The following CACNA1C variants were observed in gnomAD, a reference collection of about 807,000 sequenced individuals.
The protein encoded by CACNA1C is voltage-dependent L-type calcium channel subunit alpha-1C.
A neutral mutation model predicts 229.0 loss-of-function variants in CACNA1C; 30 were observed. The ratio of observed to expected loss-of-function variants is 0.13; its 90% CI spans 0.10 to 0.18. The LOEUF (loss-of-function observed/expected upper bound fraction) is 0.18, where lower values mean the gene tolerates loss of function less well. Among genes scored for constraint, CACNA1C ranks in the 10% least tolerant of loss-of-function variants. The pLI is 1.00. For synonymous variants in CACNA1C, 1,114 were observed against 1,132.5 expected (o/e 0.98, Z 0.33); for missense variants, 1,658 against 2,845.0 (o/e 0.58, Z 9.49).
chr12:2,550,751 C>G, intron 10 of CACNA1C: 1 of 1,075,750 alleles, frequency 9.3e-7, no homozygotes, highest in African/African-American at 1.6e-5. Context: ...GATGGAGAGC[C>G]TGGGCAAGCG....
intron 1 of CACNA1C, among the ~76,000 whole-genome samples, chr12:2,073,291 A>G (rs1021284765): frequency 3.3e-5 from 5 of 152,222 alleles, no homozygotes; most frequent in African/African-American, 1.2e-4. Context: ...GGCTATCTCT[A>G]TGTCACTGAA....
intron 2 of CACNA1C, among the ~76,000 whole-genome samples, chr12:2,118,123 C>T (rs1436932839): frequency 2.6e-5 from 4 of 152,196 alleles, no homozygotes; most frequent in African/African-American, 9.7e-5. Flanking sequence ...TAGCCCAGTG[C>T]CTTTAGCATG....
intron 1 of CACNA1C, among the ~76,000 whole-genome samples, chr12:2,056,749 G>A (rs2154513115): frequency 6.6e-6 from 1 of 152,182 alleles, no homozygotes; most frequent in Non-Finnish European, 1.5e-5. Context: ...TGGAGGAAAG[G>A]GGCTATTGGA....
intron 3 of CACNA1C, among the ~76,000 whole-genome samples, chr12:2,227,015 G>T (rs1242632756): frequency 6.6e-6 from 1 of 152,196 alleles, no homozygotes; most frequent in African/African-American, 2.4e-5. Flanking sequence ...TACTGCTGAT[G>T]CCATGGCCTG....
chr12:2,344,344 G>T, intron 3 of CACNA1C, among the ~76,000 whole-genome samples: 1 of 151,898 alleles, frequency 6.6e-6, no homozygotes, highest in Admixed American at 6.6e-5. Context: ...GTGTGTGAGC[G>T]TTTCACACTC....
intron 10 of CACNA1C, among the ~76,000 whole-genome samples, chr12:2,552,936 CG>C (rs2042111560): frequency 6.6e-6 from 1 of 152,068 alleles, no homozygotes; most frequent in Admixed American, 6.5e-5. Context: ...GAAGAAGTCA[CG>C]GAGCAGGAAG....
intron 3 of CACNA1C, among the ~76,000 whole-genome samples, chr12:2,415,811 C>G (rs538367791): frequency 5.9e-5 from 9 of 152,068 alleles, no homozygotes; most frequent in African/African-American, 2.2e-4. Context: ...CTTTGCTTCT[C>G]TCTTTGCCTA....
At chr12:2,423,191 G>A (rs1046151049) in intron 3 of CACNA1C, among the ~76,000 whole-genome samples, 2 of 152,030 alleles carry the variant, frequency 1.3e-5, no homozygotes, top group African/African-American at 4.8e-5. Flanking sequence ...GAGTGAAGCT[G>A]CACTTTGGGA....
intron 15 of CACNA1C, among the ~76,000 whole-genome samples, chr12:2,583,173 G>T (rs1170551340): frequency 6.6e-6 from 1 of 152,198 alleles, no homozygotes; most frequent in Non-Finnish European, 1.5e-5. Flanking sequence ...CTCCGGGCGG[G>T]CTGTCGCCGT....
intron 3 of CACNA1C, among the ~76,000 whole-genome samples, chr12:2,201,045 A>G (rs1438539097): frequency 6.6e-6 from 1 of 152,214 alleles, no homozygotes; most frequent in African/African-American, 2.4e-5. Context: ...GCTTCCTAAA[A>G]AACGTATTTT....
intron 11 of CACNA1C, 47 bp downstream of exon 11, chr12:2,557,024 G>A (rs952710098): frequency 1.3e-6 from 2 of 1,565,426 alleles, no homozygotes; most frequent in Non-Finnish European, 1.8e-6. Context: ...CACCAGCTCT[G>A]TCTTCAGCCA....
intron 3 of CACNA1C, among the ~76,000 whole-genome samples, chr12:2,390,501 G>A (rs1004915860): frequency 6.6e-6 from 1 of 152,224 alleles, no homozygotes; most frequent in Admixed American, 6.5e-5. Context: ...GGGGAAGAAA[G>A]ACACAAATAA....
rs147857159 is a variant in CACNA1C at position 2,166,166 on chromosome 12, G to A, written c.477+45736G>A. Among the ~76,000 whole-genome samples, 149 of 152,282 alleles carry A rather than the reference G, an allele frequency of 9.8e-4. 1 individual carries two copies. The Middle Eastern group carries it at 0.017, about 17-fold the overall frequency. ...CAGCTTTCCAGTCCCATTAGACCCA[G>A]CAAACATTCTGTGCTGCTGGGATGA... On this transcript the variant is annotated intron_variant, in intron 3 of 46. Transcript: ENST00000399655.
At chr12:2,048,935 GC>G (rs1282071532), upstream of CACNA1C, among the ~76,000 whole-genome samples, 3 of 152,162 alleles carry the variant, frequency 2.0e-5, no homozygotes, top group African/African-American at 7.2e-5. Context: ...TTCCCCACCT[GC>G]CCCAGATTGA....
intron 9 of CACNA1C, among the ~76,000 whole-genome samples, chr12:2,520,792 A>G (rs2099808071): frequency 6.8e-6 from 1 of 147,902 alleles, no homozygotes; most frequent in Admixed American, 6.7e-5. Context: ...GAGGGAAGCC[A>G]TGACAGTCTT....
At position 2,632,820 on chromosome 12, in the gene CACNA1C, G is replaced by A. The variant is rs555591960; in HGVS notation, c.3829-1477G>A. Among the ~76,000 whole-genome samples, 2 of 152,266 alleles carry A rather than the reference G, an allele frequency of 1.3e-5. No individual in the cohort carries two copies. The highest frequency in any genetic ancestry group is 2.4e-5 in the African/African-American group (1 of 41,556). On this transcript the variant is annotated intron_variant, in intron 29 of 46. Coordinates refer to ENST00000399655, the MANE Select transcript of CACNA1C (RefSeq NM_000719.7). The surrounding 1 kb of genome is among the most constrained non-coding windows in gnomAD (Gnocchi z 4.1). ...TCCAAATGACCATGAAAGAACCTGG[G>A]GAGGGGCTTAGAAAGCCTCAGAAAG...
chr12:2,089,917 T>C (rs938276589), intron 1 of CACNA1C, among the ~76,000 whole-genome samples: 52 of 152,092 alleles, frequency 3.4e-4, no homozygotes, highest in Non-Finnish European at 4.1e-4. Flanking sequence ...TAGTCCCAGC[T>C]ACTTGGGAGG....
At chr12:2,399,900 T>C (rs1013460025) in intron 3 of CACNA1C, among the ~76,000 whole-genome samples, 1 of 152,216 alleles carries the variant, frequency 6.6e-6, no homozygotes, top group African/African-American at 2.4e-5. Flanking sequence ...TCCTGTCTCC[T>C]GCTTTTTGGA....
Position 2,067,461 on chromosome 12 carries a change from T to TGC in CACNA1C, c.49+13851_49+13852insCG, listed in dbSNP as rs2059713767. 1.8e-5 allele frequency among the ~76,000 whole-genome samples: 2 copies of TGC among 110,504 alleles called. No individual in the cohort carries two copies. Among genetic ancestry groups the TGC allele is most frequent in the South Asian group, 6.6e-4 (2 of 3,052 alleles). 72.5% of individuals were successfully genotyped at this position (110,504 alleles called of 152,430 possible). A position where few individuals can be genotyped will look rare whatever the true frequency, so the allele number is the denominator to read the frequency against. On this transcript the variant is annotated intron_variant, in intron 1 of 46. Transcript: ENST00000399655. This position sits in a 1 kb window ranked among gnomAD's most constrained non-coding sequence, Gnocchi z 5.3. Reference sequence around the variant, plus strand: ...GGACTAGGATGCACGTGTGTGTGTGTGTGTGTGTGTGTGTGTGTGTGCGCG... The same window carrying TGC: ...GGACTAGGATGCACGTGTGTGTGTGTGCGTGTGTGTGTGTGTGTGTGTGCGCG...
Sources: gnomAD v4.1 joint callset for allele counts (sites outside exome capture counted in the v4.1 genomes callset) on GRCh38, gnomAD v4.1.1 for gene constraint, Gnocchi (gnomAD v3.1) non-coding constraint, MANE v1.5 for transcripts, NCBI Gene and HGNC (gene_info 2026-07-23, HGNC 2026-07-21) for gene names.